LEMD3: variants seen among roughly 807,000 people sequenced by gnomAD.
The protein encoded by LEMD3 is inner nuclear membrane protein Man1.
Under a neutral mutation model 95.2 loss-of-function variants are expected in LEMD3, and 33 were observed. That is an observed-to-expected ratio of 0.35 (90% CI 0.26 to 0.46). The LOEUF (loss-of-function observed/expected upper bound fraction) is 0.46, where lower values mean the gene tolerates loss of function less well. Ranked by LOEUF, LEMD3 falls within the 20% of genes least tolerant of loss-of-function variation. The pLI is 1.00. For missense variants in LEMD3, 1,210 were observed against 1,192.8 expected (o/e 1.01, Z -0.21); for synonymous variants, 525 against 474.6 (o/e 1.11, Z -1.38).
chr12:65,211,037 C>A, intron 2 of LEMD3, 74 bp downstream of exon 2: 2 of 1,111,172 alleles, frequency 1.8e-6, no homozygotes, highest in Non-Finnish European at 1.4e-6. Context: ...TGACTATCAA[C>A]TAAAAAAAAG....
chr12:65,170,983 T>C lies in LEMD3; in HGVS notation c.1387T>C (p.Ser463Pro), dbSNP rs1489154578. ...CCAGCAATTTAAACGGGAGGAGGTG[T>C]CCCCAACAGGGAGTTTCAGTGCCCA... is the stretch of plus-strand genomic sequence containing the variant. ...LLQQFKREEV[S>P]PTGSFSAHYL... The change falls in exon 1 of 13, where the codon TCC becomes CCC. Residue 463 changes from serine (S) to proline (P), a missense_variant. Coordinates refer to ENST00000308330, the MANE Select transcript of LEMD3 (RefSeq NM_014319.5). 6.2e-7 allele frequency: 1 copy of C among 1,614,026 alleles called. No individual in the cohort carries two copies. Among genetic ancestry groups the C allele is most frequent in the African/African-American group, 1.3e-5 (1 of 74,914 alleles).
rs2136360221 is a variant in LEMD3, at chr12:65,247,793, G to T, written c.*1468G>T. On this transcript the variant is annotated 3_prime_UTR_variant, in exon 13 of 13. Coordinates refer to ENST00000308330, the MANE Select transcript of LEMD3 (RefSeq NM_014319.5). ...AAGTAAACATGATGCACACTATTCT[G>T]TAACAGAAAGCCCTATTGTGCCTTA... The T allele has an allele frequency of 6.6e-6, 1 of 152,626 alleles. No individual in the cohort carries two copies. The highest frequency in any genetic ancestry group is 2.4e-5 in the African/African-American group (1 of 41,524). 9.5% of individuals were successfully genotyped at this position (152,626 alleles called of 1,614,324 possible). A position where few individuals can be genotyped will look rare whatever the true frequency, so the allele number is the denominator to read the frequency against.
At chr12:65,239,658 T>C (rs1870872975) in intron 6 of LEMD3, among the ~76,000 whole-genome samples, 1 of 152,172 alleles carries the variant, frequency 6.6e-6, no homozygotes, top group African/African-American at 2.4e-5. Flanking sequence ...GGAAAAAAGT[T>C]TGTGAAACAT....
In LEMD3 at chr12:65,170,392, G is replaced by A. The variant is rs1434395223; in HGVS notation, c.796G>A (p.Asp266Asn). ...ENYSDSEEED[D>N]DDVASSRQVL... ...CTATTCGGACTCAGAGGAAGAGGAC[G>A]ACGACGACGTGGCCTCCAGCAGACA... Residue 266 changes from aspartate (D) to asparagine (N), a missense_variant, in exon 1 of 13, where the codon GAC becomes AAC. Coordinates refer to ENST00000308330, the MANE Select transcript of LEMD3 (RefSeq NM_014319.5). The A allele has an allele frequency of 8.7e-6, 14 of 1,613,960 alleles. No homozygotes were observed. Among genetic ancestry groups the A allele is most frequent in the Non-Finnish European group, 1.2e-5 (14 of 1,179,988 alleles).
At chr12:65,234,060 T>C (rs184769708) in intron 4 of LEMD3, among the ~76,000 whole-genome samples, 180 of 152,300 alleles carry the variant, frequency 1.2e-3, no homozygotes, top group Middle Eastern at 3.4e-3. Context: ...AATTAAAAAC[T>C]TAGTTTCTTC....
intron 1 of LEMD3, 81 bp downstream of exon 1, chr12:65,171,199 G>T: frequency 1.3e-6 from 2 of 1,591,752 alleles, no homozygotes; most frequent in African/African-American, 2.7e-5. Context: ...CGTTTTACAT[G>T]AAGTGACTTA....
At chr12:65,191,752 C>A (rs1318926190) in intron 1 of LEMD3, among the ~76,000 whole-genome samples, 1 of 151,854 alleles carries the variant, frequency 6.6e-6, no homozygotes. Context: ...CATGGTGAAA[C>A]CCTGTCTCTA....
At position 65,188,408 on chromosome 12, in the gene LEMD3, A is replaced by G. The variant is rs138916004; in HGVS notation, c.1522+17290A>G. 3.9e-3 allele frequency among the ~76,000 whole-genome samples: 589 copies of G among 152,282 alleles called. 6 individuals carry two copies. Among genetic ancestry groups the G allele is most frequent in the African/African-American group, 0.014 (568 of 41,572 alleles). On this transcript the variant is annotated intron_variant, in intron 1 of 12. Coordinates refer to ENST00000308330, the MANE Select transcript of LEMD3 (RefSeq NM_014319.5). ...CAATACTTAGAACCGGAAGGGATCC[A>G]GAGAACTCCTCTCCAAAGCAGTGAT...
chr12:65,202,080 C>T (rs1160541779), intron 1 of LEMD3, among the ~76,000 whole-genome samples: 9 of 148,738 alleles, frequency 6.1e-5, no homozygotes, highest in South Asian at 2.1e-4. Context: ...GGTGCAATCT[C>T]GGCTCACTGC....
intron 1 of LEMD3, among the ~76,000 whole-genome samples, chr12:65,178,942 T>C (rs1331152207): frequency 1.3e-5 from 2 of 152,220 alleles, no homozygotes; most frequent in Non-Finnish European, 2.9e-5. Flanking sequence ...CTAACAACTT[T>C]AGGAAAAGTT....
chr12:65,245,510 CT>C (rs1337681471), intron 10 of LEMD3, 158 bp from the exon 11 acceptor site: 4 of 634,656 alleles, frequency 6.3e-6, no homozygotes, highest in Non-Finnish European at 1.1e-5. Context: ...TTAAATCTAC[CT>C]CCTGTTAGTC....
At position 65,247,950 on chromosome 12, in the gene LEMD3, A is replaced by G. The variant is rs1871164749; in HGVS notation, c.*1625A>G. On this transcript the variant is annotated 3_prime_UTR_variant, in exon 13 of 13. Transcript: ENST00000308330. ...GAAAATATAAATATATATAATATAT[A>G]AAGTAACCAGTCTTCCTGTATTTTA... The G allele has an allele frequency of 6.6e-6, 1 of 152,454 alleles. No homozygotes were observed. The allele number at this position is 152,454 out of a possible 1,614,324, so 9.4% of individuals were successfully genotyped here.
intron 4 of LEMD3, among the ~76,000 whole-genome samples, chr12:65,226,873 C>G (rs1244764847): frequency 6.6e-6 from 1 of 152,158 alleles, no homozygotes; most frequent in Non-Finnish European, 1.5e-5. Flanking sequence ...TCTGTGTTTT[C>G]TAATTAAATC....
In LEMD3 at chr12:65,248,310, A is replaced by G. The variant is rs1253717724; in HGVS notation, c.*1985A>G. The G allele has an allele frequency of 6.6e-6, 1 of 152,174 alleles. No individual in the cohort carries two copies. Among genetic ancestry groups the G allele is most frequent in the East Asian group, 1.9e-4 (1 of 5,194 alleles). 9.4% of individuals were successfully genotyped at this position (152,174 alleles called of 1,614,324 possible). A position where few individuals can be genotyped will look rare whatever the true frequency, so the allele number is the denominator to read the frequency against. On this transcript the variant is annotated 3_prime_UTR_variant, in exon 13 of 13. Coordinates refer to ENST00000308330, the MANE Select transcript of LEMD3 (RefSeq NM_014319.5). ...TTAAAAAAAGGAAAAAATTCTAATTAAAAATTTATTAGTTTTTTTTTATGT... is the reference window on the plus strand; with the variant it reads ...TTAAAAAAAGGAAAAAATTCTAATTGAAAATTTATTAGTTTTTTTTTATGT...
At chr12:65,189,552 C>T (rs1261463896) in intron 1 of LEMD3, among the ~76,000 whole-genome samples, 1 of 152,166 alleles carries the variant, frequency 6.6e-6, no homozygotes, top group Non-Finnish European at 1.5e-5. Flanking sequence ...AGAAACCAAG[C>T]AGTTTATAGA....
At chr12:65,181,356 A>G (rs1868897424) in intron 1 of LEMD3, among the ~76,000 whole-genome samples, 1 of 152,138 alleles carries the variant, frequency 6.6e-6, no homozygotes. Flanking sequence ...GAGCACCTAT[A>G]CTATGTACCA....
rs1165155319 is a variant in LEMD3 at position 65,248,164 on chromosome 12, C to G, written c.*1839C>G. On this transcript the variant is annotated 3_prime_UTR_variant, in exon 13 of 13. Coordinates refer to ENST00000308330, the MANE Select transcript of LEMD3 (RefSeq NM_014319.5). ...TATTGTAATATATACTATTATGCAG[C>G]TTATTTTACCTGAAACTGTTAAGCC... 6.6e-6 allele frequency: 1 copy of G among 152,384 alleles called. No homozygotes were observed. Among genetic ancestry groups the G allele is most frequent in the Non-Finnish European group, 1.5e-5 (1 of 67,966 alleles). The allele number at this position is 152,384 out of a possible 1,614,324, so 9.4% of individuals were successfully genotyped here.
intron 4 of LEMD3, among the ~76,000 whole-genome samples, chr12:65,227,231 T>A (rs1355020091): frequency 6.6e-6 from 1 of 152,210 alleles, no homozygotes; most frequent in Non-Finnish European, 1.5e-5. Flanking sequence ...ATAAAATAAT[T>A]GAATGGGTTT....
At chr12:65,188,929 A>G (rs1212641807) in intron 1 of LEMD3, among the ~76,000 whole-genome samples, 1 of 152,132 alleles carries the variant, frequency 6.6e-6, no homozygotes, top group Non-Finnish European at 1.5e-5. Context: ...TATCAGGAGG[A>G]TAATAGTAGT....
Sources: gnomAD v4.1 joint callset for allele counts (sites outside exome capture counted in the v4.1 genomes callset) on GRCh38, gnomAD v4.1.1 for gene constraint, MANE v1.5 for transcripts, NCBI Gene and HGNC (gene_info 2026-07-23, HGNC 2026-07-21) for gene names.